TSPEAR: variants seen among roughly 807,000 people sequenced by gnomAD.
TSPEAR encodes thrombospondin type laminin G domain and EAR repeats, also known as thrombospondin-type laminin G domain and EAR repeat-containing protein.
Under a neutral mutation model 71.6 loss-of-function variants are expected in TSPEAR, and 69 were observed. The ratio of observed to expected loss-of-function variants is 0.96; its 90% CI spans 0.79 to 1.18. The LOEUF (loss-of-function observed/expected upper bound fraction) is 1.18, where lower values mean the gene tolerates loss of function less well. TSPEAR is among the 50% of genes most tolerant of loss of function. The pLI, the probability that TSPEAR is intolerant of heterozygous loss-of-function variation, is 0.00. For synonymous variants in TSPEAR, 402 were observed against 387.2 expected (o/e 1.04, Z -0.45); for missense variants, 971 against 894.9 (o/e 1.09, Z -1.09).
At chr21:44,558,392 G>T (rs587773916) in intron 2 of TSPEAR, 1 of 1,613,096 alleles carries the variant, frequency 6.2e-7, no homozygotes, top group Non-Finnish European at 8.5e-7. Flanking sequence ...GCACACAGCA[G>T]ACTGGCTTGC....
Position 44,697,215 on chromosome 21 carries a change from C to G in TSPEAR, c.82+14218G>C, listed in dbSNP as rs369832647. On this transcript the variant is annotated intron_variant, in intron 1 of 11. Transcript: ENST00000323084. ...GCTGCATCCACCATGTCCGTCTGCT[C>G]CAGCGACCTGAGCTATGGCAGCCGC... The G allele has an allele frequency of 3.5e-5, 56 of 1,613,764 alleles. No individual in the cohort carries two copies. The African/African-American group carries it at 6.1e-4, about 18-fold the overall frequency.
chr21:44,515,894 A>C (rs1448064477), intron 9 of TSPEAR: 3 of 152,270 alleles, frequency 2.0e-5, no homozygotes, highest in South Asian at 2.1e-4. Flanking sequence ...TGAAGGGCTG[A>C]GACCCCACCA....
chr21:44,508,503 G>T, intron 10 of TSPEAR: 1 of 1,084,036 alleles, frequency 9.2e-7, no homozygotes, highest in South Asian at 2.6e-5. Context: ...TGGGATCTGG[G>T]TAATACGGAT....
rs587673896 is a variant in TSPEAR at position 44,530,802 on chromosome 21, T to G, written c.633+241A>C. Among the ~76,000 whole-genome samples, 3 of 152,194 alleles carry G rather than the reference T, an allele frequency of 2.0e-5. No homozygotes were observed. The East Asian group carries it at 5.8e-4, about 29-fold the overall frequency. On this transcript the variant is annotated intron_variant, in intron 4 of 11. Coordinates refer to ENST00000323084, the MANE Select transcript of TSPEAR (RefSeq NM_144991.3). Reference sequence around the variant, plus strand: ...TGCAGGGCAGAGTGTGGGCATCAGCTCAGCATGGTGGGGGCAGCCTGAAGA... The same window carrying G: ...TGCAGGGCAGAGTGTGGGCATCAGCGCAGCATGGTGGGGGCAGCCTGAAGA...
chr21:44,702,142 G>A (rs1177627765), intron 1 of TSPEAR: 1 of 1,270,960 alleles, frequency 7.9e-7, no homozygotes, highest in African/African-American at 1.5e-5. Context: ...GAGCACAGGG[G>A]TGGAGACTGA....
chr21:44,512,620 A>C (rs2052424736), intron 9 of TSPEAR, among the ~76,000 whole-genome samples: 1 of 152,150 alleles, frequency 6.6e-6, no homozygotes. Context: ...GGAATGCGCG[A>C]GACGGGCAGT....
chr21:44,524,424 C>A (rs73379210), intron 8 of TSPEAR, among the ~76,000 whole-genome samples: 1 of 151,192 alleles, frequency 6.6e-6, no homozygotes, highest in Non-Finnish European at 1.5e-5. Flanking sequence ...GTCAGTCAGG[C>A]AGTCAATCAA....
At chr21:44,601,187 C>T (rs782364333) in intron 1 of TSPEAR, 42 of 1,595,970 alleles carry the variant, frequency 2.6e-5, no homozygotes, top group Non-Finnish European at 3.4e-5. Context: ...TGCTGCCAGG[C>T]GGTCTGTGAG....
chr21:44,600,673 C>T (rs782083843), intron 1 of TSPEAR: 11 of 1,613,670 alleles, frequency 6.8e-6, no homozygotes, highest in South Asian at 1.1e-5. Flanking sequence ...CTACGGCAGC[C>T]GCGTCTGCCT....
At chr21:44,549,146 T>C (rs1166968612) in intron 2 of TSPEAR, among the ~76,000 whole-genome samples, 1 of 152,140 alleles carries the variant, frequency 6.6e-6, no homozygotes, top group Non-Finnish European at 1.5e-5. Context: ...CTAGACCCGA[T>C]TGGCTAAACA....
Position 44,645,378 on chromosome 21 carries a change from A to G in TSPEAR, c.82+66055T>C, listed in dbSNP as rs587601834. 8.2e-5 allele frequency among the ~76,000 whole-genome samples: 12 copies of G among 145,600 alleles called. No homozygotes were observed. In the East Asian group the frequency reaches 1.4e-3, roughly 17 times the overall value. ...CTTAGCTTTTTTTTTTTTTTTTGAG[A>G]CAGAGTCTTGCTCTGTCACCTAGGC... is the stretch of plus-strand genomic sequence containing the variant. On this transcript the variant is annotated intron_variant, in intron 1 of 11. Coordinates refer to ENST00000323084, the MANE Select transcript of TSPEAR (RefSeq NM_144991.3).
chr21:44,637,323 T>C (rs1983643251), intron 1 of TSPEAR: 2 of 1,502,434 alleles, frequency 1.3e-6, no homozygotes, highest in African/African-American at 1.4e-5. Context: ...CCTGGGCATA[T>C]AAAAGCCCCA....
At chr21:44,528,206 G>C (rs2052895983) in intron 6 of TSPEAR, among the ~76,000 whole-genome samples, 1 of 152,158 alleles carries the variant, frequency 6.6e-6, no homozygotes, top group Non-Finnish European at 1.5e-5. Context: ...GTCCTAAGTG[G>C]TGCCTGCCCT....
chr21:44,588,335 C>T (rs233287), intron 1 of TSPEAR, among the ~76,000 whole-genome samples: 140,009 of 152,282 alleles, frequency 0.92, 64,474 homozygotes, highest in Non-Finnish European at 0.94. Flanking sequence ...GATACCACCT[C>T]ACTCCTGCAA....
chr21:44,647,748 C>A, intron 1 of TSPEAR: 1 of 262,926 alleles, frequency 3.8e-6, no homozygotes, highest in Non-Finnish European at 7.5e-6. Context: ...GCAGACAGGA[C>A]AGTGTCTCTC....
At position 44,544,832 on chromosome 21, in the gene TSPEAR, G is replaced by C. The variant is rs587681391; in HGVS notation, c.304-10909C>G. The stretch of plus-strand genomic sequence containing the variant: ...GAAGCTGGAGCAGACTGATCAGCAG[G>C]GGCTGGGCCCACAGGACGTTATGCA... On this transcript the variant is annotated intron_variant, in intron 2 of 11. Coordinates refer to ENST00000323084, the MANE Select transcript of TSPEAR (RefSeq NM_144991.3). 3.3e-5 allele frequency among the ~76,000 whole-genome samples: 5 copies of C among 152,214 alleles called. No homozygotes were observed. The East Asian group carries it at 9.7e-4, about 29-fold the overall frequency.
rs2052087071 is a variant in TSPEAR at position 44,503,265 on chromosome 21, G to T, written c.1856+1515C>A. On this transcript the variant is annotated intron_variant, in intron 11 of 11. Coordinates refer to ENST00000323084, the MANE Select transcript of TSPEAR (RefSeq NM_144991.3). ...GCCCACGGGGGGAAGCAGTGTGCTG[G>T]GAGGAAGCTGGCCTCGGTGAGCCCT... Among the ~76,000 whole-genome samples, 2 of 138,932 alleles carry T rather than the reference G, an allele frequency of 1.4e-5. 1 individual carries two copies. The highest frequency in any genetic ancestry group is 1.4e-4 in the Admixed American group (2 of 14,092). 91.1% of individuals were successfully genotyped at this position (138,932 alleles called of 152,430 possible).
intron 1 of TSPEAR, among the ~76,000 whole-genome samples, chr21:44,644,323 C>T (rs1015355830): frequency 3.3e-5 from 5 of 152,194 alleles, no homozygotes; most frequent in Non-Finnish European, 5.9e-5. Flanking sequence ...TCCACTAATA[C>T]GATGTCACCC....
chr21:44,540,541 G>C (rs2053202217), intron 2 of TSPEAR, among the ~76,000 whole-genome samples: 1 of 152,156 alleles, frequency 6.6e-6, no homozygotes, highest in African/African-American at 2.4e-5. Context: ...GCAAAGTGTG[G>C]CATGCCAGGG....
Sources: gnomAD v4.1 joint callset for allele counts (sites outside exome capture counted in the v4.1 genomes callset) on GRCh38, gnomAD v4.1.1 for gene constraint, MANE v1.5 for transcripts, NCBI Gene and HGNC (gene_info 2026-07-23, HGNC 2026-07-21) for gene names.